Variants in CNTN4 observed in about 807,000 individuals in gnomAD.
CNTN4 encodes the protein contactin-4.
A neutral mutation model predicts 122.5 loss-of-function variants in CNTN4; 77 were observed. The observed-to-expected ratio is 0.63, with a 90% CI of 0.52 to 0.76. The LOEUF (loss-of-function observed/expected upper bound fraction) is 0.76, where lower values mean the gene tolerates loss of function less well. Among genes scored for constraint, CNTN4 ranks in the 30% least tolerant of loss-of-function variants. The pLI is 0.00. For missense variants in CNTN4, 1,256 were observed against 1,259.1 expected (o/e 1.00, Z 0.04); for synonymous variants, 512 against 447.0 (o/e 1.15, Z -1.83).
intron 6 of CNTN4, among the ~76,000 whole-genome samples, chr3:2,766,497 GA>G (rs1409387966): frequency 6.6e-6 from 1 of 152,202 alleles, no homozygotes; most frequent in Non-Finnish European, 1.5e-5. Flanking sequence ...CTCAGGAATG[GA>G]AAACCAAACA....
intron 9 of CNTN4, among the ~76,000 whole-genome samples, chr3:2,883,867 A>G (rs1270581465): frequency 1.3e-5 from 2 of 152,346 alleles, no homozygotes; most frequent in African/African-American, 4.8e-5. Flanking sequence ...AATATATCAG[A>G]CAGCATAAAG....
intron 2 of CNTN4, among the ~76,000 whole-genome samples, chr3:2,305,257 A>G (rs1426089786): frequency 1.3e-5 from 2 of 152,174 alleles, no homozygotes; most frequent in Non-Finnish European, 2.9e-5. Flanking sequence ...CTTACCTATT[A>G]GAGAATGCCC....
intron 10 of CNTN4, among the ~76,000 whole-genome samples, chr3:2,889,017 G>A (rs1042736322): frequency 2.0e-5 from 3 of 151,850 alleles, no homozygotes; most frequent in Admixed American, 1.3e-4. Context: ...AGAAAGAAAT[G>A]GAAGGAAGGG....
At chr3:2,650,175 T>G (rs1465435500) in intron 4 of CNTN4, among the ~76,000 whole-genome samples, 1 of 151,504 alleles carries the variant, frequency 6.6e-6, no homozygotes, top group East Asian at 1.9e-4. Flanking sequence ...ATTTTGGAAA[T>G]TGATTCCAAC....
intron 6 of CNTN4, among the ~76,000 whole-genome samples, chr3:2,764,479 G>T (rs909059196): frequency 6.6e-6 from 1 of 152,176 alleles, no homozygotes; most frequent in African/African-American, 2.4e-5. Context: ...TGTGTGGCTG[G>T]AGGGCACAGA....
At chr3:2,500,850 T>G (rs1330132798) in intron 3 of CNTN4, among the ~76,000 whole-genome samples, 1 of 152,148 alleles carries the variant, frequency 6.6e-6, no homozygotes, top group Non-Finnish European at 1.5e-5. Context: ...CATTTACCTG[T>G]GCAAGCATCG....
chr3:2,397,620 G>C (rs183096897), intron 3 of CNTN4, among the ~76,000 whole-genome samples: 1 of 152,066 alleles, frequency 6.6e-6, no homozygotes, highest in Non-Finnish European at 1.5e-5. Context: ...CAGCATTGCA[G>C]TATAAAGAAG....
chr3:2,658,965 GACACACACACACACACACACAC>G (rs67168398), intron 4 of CNTN4, among the ~76,000 whole-genome samples: 6 of 139,710 alleles, frequency 4.3e-5, no homozygotes, highest in South Asian at 2.5e-4. Context: ...CACACAAACA[GACACACACACACACACACACAC>G]ACACACACAC....
chr3:2,928,783 T>G (rs975014020), intron 13 of CNTN4, among the ~76,000 whole-genome samples: 1 of 152,214 alleles, frequency 6.6e-6, no homozygotes, highest in Non-Finnish European at 1.5e-5. Context: ...TCAATTTTAA[T>G]TAATCAACTG....
intron 13 of CNTN4, among the ~76,000 whole-genome samples, chr3:2,965,928 T>C (rs1692259452): frequency 6.6e-6 from 1 of 152,194 alleles, no homozygotes; most frequent in African/African-American, 2.4e-5. Flanking sequence ...TCTACTATGT[T>C]TTCAGGATAC....
chr3:2,577,880 C>G (rs6442740), intron 4 of CNTN4, among the ~76,000 whole-genome samples: 2,812 of 152,152 alleles, frequency 0.018, 87 homozygotes, highest in African/African-American at 0.064. Context: ...AAATTTATTC[C>G]CATCTCTGTG....
At chr3:2,450,053 A>G (rs1208275877) in intron 3 of CNTN4, among the ~76,000 whole-genome samples, 1 of 152,090 alleles carries the variant, frequency 6.6e-6, no homozygotes, top group Non-Finnish European at 1.5e-5. Context: ...ACAGTACTGT[A>G]TTGTCACTTT....
intron 4 of CNTN4, among the ~76,000 whole-genome samples, chr3:2,683,372 C>T (rs1332285243): frequency 6.6e-6 from 1 of 151,814 alleles, no homozygotes; most frequent in African/African-American, 2.4e-5. Context: ...ATAGTCTCAG[C>T]AGCTTTTATC....
intron 7 of CNTN4, among the ~76,000 whole-genome samples, chr3:2,859,400 G>A (rs1298530695): frequency 2.6e-5 from 4 of 152,052 alleles, no homozygotes; most frequent in Non-Finnish European, 4.4e-5. Context: ...ACATTTCATT[G>A]CCTTTGGATT....
chr3:3,049,616 A>G (rs1318828971), intron 23 of CNTN4, among the ~76,000 whole-genome samples: 1 of 152,170 alleles, frequency 6.6e-6, no homozygotes, highest in East Asian at 1.9e-4. Context: ...TGCAGAGAAA[A>G]AGAGGCTAGA....
At chr3:2,412,673 T>C (rs1166458771) in intron 3 of CNTN4, among the ~76,000 whole-genome samples, 1 of 152,126 alleles carries the variant, frequency 6.6e-6, no homozygotes, top group Non-Finnish European at 1.5e-5. Flanking sequence ...GTTCTTGAAA[T>C]CTCAGAAATT....
intron 3 of CNTN4, among the ~76,000 whole-genome samples, chr3:2,512,527 G>A (rs2149082869): frequency 6.6e-6 from 1 of 152,288 alleles, no homozygotes; most frequent in Middle Eastern, 3.4e-3. Context: ...CATGATCAAT[G>A]CCTTAGTGAA....
In CNTN4 at chr3:2,743,252, C is replaced by T. The variant is rs555674848; in HGVS notation, c.183-2270C>T. 3.0e-4 allele frequency among the ~76,000 whole-genome samples: 45 copies of T among 152,050 alleles called. 1 individual carries two copies. Among genetic ancestry groups the T allele is most frequent in the African/African-American group, 9.9e-4 (41 of 41,426 alleles). ...TTTGAAGTAAGAGTTATGGTCAAGA[C>T]GTGATCAGCTGACTCAAAAAAAAAA... is the stretch of plus-strand genomic sequence containing the variant. On this transcript the variant is annotated intron_variant, in intron 5 of 24. Transcript: ENST00000418658.
At chr3:2,930,009 G>A (rs1289820333) in intron 13 of CNTN4, among the ~76,000 whole-genome samples, 5 of 152,198 alleles carry the variant, frequency 3.3e-5, no homozygotes, top group Non-Finnish European at 7.3e-5. Context: ...TAATGATGGA[G>A]ACCTTACTAA....
Sources: allele counts gnomAD v4.1 joint callset (sites outside exome capture counted in the v4.1 genomes callset), GRCh38; gene constraint gnomAD v4.1.1; transcripts MANE v1.5; gene names NCBI Gene and HGNC (gene_info 2026-07-23, HGNC 2026-07-21).